SORCS2: variants seen among roughly 807,000 people sequenced by gnomAD.
SORCS2 encodes VPS10 domain-containing receptor SorCS2.
SORCS2 carries 100 observed loss-of-function variants against 141.6 expected under a neutral mutation model. The observed-to-expected ratio is 0.71, with a 90% confidence interval of 0.60 to 0.83. The LOEUF is 0.83. Among genes scored for constraint, SORCS2 ranks in the 40% least tolerant of loss-of-function variants. The pLI, the probability that SORCS2 is intolerant of heterozygous loss-of-function variation, is 0.00. For missense variants in SORCS2, 1,646 were observed against 1,560.2 expected (o/e 1.05, Z -0.93); for synonymous variants, 789 against 676.9 (o/e 1.17, Z -2.57).
At chr4:7,351,300 G>A (rs1315975069) in intron 1 of SORCS2, among the ~76,000 whole-genome samples, 2 of 152,180 alleles carry the variant, frequency 1.3e-5, no homozygotes, top group African/African-American at 4.8e-5. Context: ...CACAGCGGGT[G>A]TTATAGCTCC....
intron 2 of SORCS2, among the ~76,000 whole-genome samples, chr4:7,512,382 AAGG>A (rs796188542): frequency 2.6e-4 from 36 of 140,332 alleles, no homozygotes; most frequent in African/African-American, 8.8e-4. Flanking sequence ...GGGAGGGAAG[AAGG>A]AGGGAAGAAG....
At chr4:7,386,118 CAT>C (rs1385663922) in intron 1 of SORCS2, among the ~76,000 whole-genome samples, 12 of 152,042 alleles carry the variant, frequency 7.9e-5, no homozygotes, top group African/African-American at 1.7e-4. Flanking sequence ...TGGACATACA[CAT>C]ATGTACACAC....
chr4:7,283,730 A>G (rs1249583492), intron 1 of SORCS2, among the ~76,000 whole-genome samples: 1 of 152,090 alleles, frequency 6.6e-6, no homozygotes, highest in African/African-American at 2.4e-5. Flanking sequence ...TCCACCAAAC[A>G]TAGGTGGGGC....
chr4:7,235,073 G>A (rs181329800), intron 1 of SORCS2, among the ~76,000 whole-genome samples: 47 of 152,360 alleles, frequency 3.1e-4, no homozygotes, highest in Admixed American at 1.0e-3. Flanking sequence ...GTTGCATCCC[G>A]TGAGGGTCTG....
chr4:7,597,550 G>C (rs957072259), intron 3 of SORCS2, among the ~76,000 whole-genome samples: 4 of 150,626 alleles, frequency 2.7e-5, no homozygotes, highest in African/African-American at 4.9e-5. Context: ...TTGCAATAGG[G>C]AAGGAGCTGT....
At chr4:7,695,348 ATTG>A (rs1724545051) in intron 11 of SORCS2, among the ~76,000 whole-genome samples, 1 of 30,502 alleles carries the variant, frequency 3.3e-5, no homozygotes, top group African/African-American at 1.6e-4. Flanking sequence ...GGATGGATGG[ATTG>A]GTGGGTGGAT....
chr4:7,502,281 G>A (rs1035471471), intron 2 of SORCS2, among the ~76,000 whole-genome samples: 14 of 152,190 alleles, frequency 9.2e-5, no homozygotes, highest in African/African-American at 3.1e-4. Flanking sequence ...ACGAGGCTTC[G>A]CCAGGCTCAG....
chr4:7,590,811 C>T (rs1716867616), intron 3 of SORCS2, among the ~76,000 whole-genome samples: 1 of 152,240 alleles, frequency 6.6e-6, no homozygotes, highest in Admixed American at 6.5e-5. Context: ...TGTGAGACTT[C>T]TGGCCTCCAG....
At chr4:7,559,713 C>A (rs574213138) in intron 3 of SORCS2, among the ~76,000 whole-genome samples, 2 of 152,362 alleles carry the variant, frequency 1.3e-5, no homozygotes, top group Admixed American at 6.5e-5. Context: ...CATCCCTCTC[C>A]ATGCCTCAAT....
chr4:7,592,688 T>A (rs1055689305), intron 3 of SORCS2, among the ~76,000 whole-genome samples: 3 of 152,238 alleles, frequency 2.0e-5, no homozygotes, highest in African/African-American at 7.2e-5. Flanking sequence ...CAACCCACTA[T>A]GGACAAATAG....
At chr4:7,668,871 T>C (rs576704617) in intron 8 of SORCS2, among the ~76,000 whole-genome samples, 1 of 151,976 alleles carries the variant, frequency 6.6e-6, no homozygotes, top group Non-Finnish European at 1.5e-5. Flanking sequence ...GAGAGGAAAG[T>C]GCACAGCCGA....
intron 2 of SORCS2, among the ~76,000 whole-genome samples, chr4:7,467,195 G>A (rs1391268759): frequency 1.3e-5 from 2 of 152,306 alleles, no homozygotes; most frequent in African/African-American, 4.8e-5. Context: ...AGGCAGCAAG[G>A]CCTGTGTGCT....
At chr4:7,507,431 C>T (rs1235590626) in intron 2 of SORCS2, among the ~76,000 whole-genome samples, 1 of 152,176 alleles carries the variant, frequency 6.6e-6, no homozygotes, top group Non-Finnish European at 1.5e-5. Context: ...CCCTCGGCCT[C>T]CCAAAGTGCT....
chr4:7,545,143 GAAA>G (rs34817306), intron 3 of SORCS2, among the ~76,000 whole-genome samples: 6,761 of 146,114 alleles, frequency 0.046, 208 homozygotes, highest in South Asian at 0.096. Flanking sequence ...GGAGGGAAAA[GAAA>G]AAAAAAAAAA....
At chr4:7,564,279 C>G (rs4508882) in intron 3 of SORCS2, among the ~76,000 whole-genome samples, 145,292 of 152,294 alleles carry the variant, frequency 0.95, 69,682 homozygotes, top group East Asian at 1. Flanking sequence ...GCCCCTGTGG[C>G]CCCCTCTAGG....
intron 2 of SORCS2, among the ~76,000 whole-genome samples, chr4:7,492,953 G>T (rs1731401227): frequency 6.6e-6 from 1 of 152,174 alleles, no homozygotes; most frequent in Non-Finnish European, 1.5e-5. Context: ...ATACATAATT[G>T]CTCAAAGGCA....
intron 1 of SORCS2, among the ~76,000 whole-genome samples, chr4:7,290,615 C>G (rs1716536327): frequency 6.6e-6 from 1 of 152,186 alleles, no homozygotes; most frequent in South Asian, 2.1e-4. Flanking sequence ...AGCATGGAGA[C>G]TTGAACCCAG....
chr4:7,479,952 G>A (rs114102042), intron 2 of SORCS2, among the ~76,000 whole-genome samples: 36 of 152,354 alleles, frequency 2.4e-4, no homozygotes, highest in Admixed American at 2.2e-3. Flanking sequence ...AGCCCTGGGC[G>A]CCATTTATTC....
intron 4 of SORCS2, among the ~76,000 whole-genome samples, chr4:7,653,666 G>C (rs542246020): frequency 6.6e-6 from 1 of 152,184 alleles, no homozygotes; most frequent in Non-Finnish European, 1.5e-5. Context: ...GGCTGGCCCT[G>C]GTGTCAGGCC....
Sources: gnomAD v4.1 joint callset for allele counts (sites outside exome capture counted in the v4.1 genomes callset) on GRCh38, gnomAD v4.1.1 for gene constraint, MANE v1.5 for transcripts, NCBI Gene and HGNC (gene_info 2026-07-23, HGNC 2026-07-21) for gene names.